The following PTPRG variants were observed in gnomAD, a reference collection of about 807,000 sequenced individuals.
The protein encoded by PTPRG is protein tyrosine phosphatase receptor type G.
In PTPRG, 102 loss-of-function variants were observed where a neutral mutation model predicts 165.3. That is an observed-to-expected ratio of 0.62 (90% CI 0.53 to 0.73). The LOEUF (loss-of-function observed/expected upper bound fraction) is 0.73, where lower values mean the gene tolerates loss of function less well. Ranked by LOEUF, PTPRG falls within the 30% of genes least tolerant of loss-of-function variation. PTPRG has a pLI of 0.00. For missense variants in PTPRG, 1,866 were observed against 1,861.4 expected, an observed-to-expected ratio of 1.00 and a Z score of -0.05; for synonymous variants, 675 against 669.5, an observed-to-expected ratio of 1.01 and a Z score of -0.13.
chr3:61,692,787 A>G (rs1187431279), intron 1 of PTPRG, among the ~76,000 whole-genome samples: 2 of 152,172 alleles, frequency 1.3e-5, no homozygotes, highest in African/African-American at 2.4e-5. Flanking sequence ...GTGGAATGTC[A>G]TCAGTTAAGG....
rs1198380012 is a variant in PTPRG at position 61,672,125 on chromosome 3, G to A, written c.86-76753G>A. Among the ~76,000 whole-genome samples the A allele has an allele frequency of 1.1e-4, 16 of 149,308 alleles. 1 individual carries two copies. In the East Asian group the frequency reaches 1.8e-3, roughly 17 times the overall value. ...GCTCCCCACATCTCAGACGATGGGC[G>A]GCCGGGCAGAGATGCTCCTCACTTC... is the stretch of plus-strand genomic sequence containing the variant. On this transcript the variant is annotated intron_variant, in intron 1 of 29. Transcript: ENST00000474889.
At chr3:62,011,540 A>C (rs910848353) in intron 4 of PTPRG, among the ~76,000 whole-genome samples, 1 of 151,740 alleles carries the variant, frequency 6.6e-6, no homozygotes, top group Non-Finnish European at 1.5e-5. Flanking sequence ...CTTCCATCAA[A>C]TGGGAAAGGA....
At chr3:62,186,186 T>C (rs995597537) in intron 8 of PTPRG, among the ~76,000 whole-genome samples, 3 of 152,120 alleles carry the variant, frequency 2.0e-5, no homozygotes, top group African/African-American at 4.8e-5. Flanking sequence ...CTTTTCTTAT[T>C]AGCAGAAGGC....
intron 1 of PTPRG, among the ~76,000 whole-genome samples, chr3:61,591,614 G>T (rs1700571270): frequency 1.3e-5 from 2 of 152,234 alleles, no homozygotes; most frequent in Admixed American, 1.3e-4. Context: ...TGAAGAAGGA[G>T]TAGGAAGAGG....
At chr3:62,062,900 C>T (rs536280977) in intron 4 of PTPRG, among the ~76,000 whole-genome samples, 10 of 152,192 alleles carry the variant, frequency 6.6e-5, no homozygotes, top group African/African-American at 1.4e-4. Flanking sequence ...GCTATCTGCC[C>T]GTCTCAGCCT....
intron 1 of PTPRG, among the ~76,000 whole-genome samples, chr3:61,633,398 A>G (rs1284566597): frequency 6.6e-6 from 1 of 152,228 alleles, no homozygotes; most frequent in Non-Finnish European, 1.5e-5. Flanking sequence ...AGTCATTGGG[A>G]TGAGTTATAG....
chr3:61,763,438 TCTGCCACTA>T (rs1278727659), intron 2 of PTPRG, among the ~76,000 whole-genome samples: 1 of 152,012 alleles, frequency 6.6e-6, no homozygotes, highest in Non-Finnish European at 1.5e-5. Context: ...GGTTTCACTG[TCTGCCACTA>T]CAGCACCTCC....
rs1165024704 is a variant in PTPRG at position 61,722,211 on chromosome 3, G to T, written c.86-26667G>T. Among the ~76,000 whole-genome samples the T allele has an allele frequency of 2.1e-5, 3 of 142,458 alleles. No homozygotes were observed. In the East Asian group the frequency reaches 7.2e-4, roughly 34 times the overall value. 93.5% of individuals were successfully genotyped at this position (142,458 alleles called of 152,430 possible). On this transcript the variant is annotated intron_variant, in intron 1 of 29. Transcript: ENST00000474889. ...GAAAGGTGGAAGAGCAAAGAGAGAG[G>T]GCAAAACAAATACACACACACACAC...
chr3:61,798,882 T>C (rs568465603), intron 2 of PTPRG, among the ~76,000 whole-genome samples: 1 of 152,204 alleles, frequency 6.6e-6, no homozygotes, highest in Admixed American at 6.5e-5. Flanking sequence ...GTCTTTGGCC[T>C]CCTGTTGATG....
chr3:61,968,514 T>C (rs932202276), intron 2 of PTPRG, among the ~76,000 whole-genome samples: 1 of 152,224 alleles, frequency 6.6e-6, no homozygotes, highest in Non-Finnish European at 1.5e-5. Context: ...AGTTTTAATA[T>C]ATATTGTGAG....
intron 2 of PTPRG, among the ~76,000 whole-genome samples, chr3:61,987,583 G>T (rs2040791191): frequency 6.6e-6 from 1 of 152,070 alleles, no homozygotes; most frequent in African/African-American, 2.4e-5. Context: ...ATTTTTCTCT[G>T]TTGAGTGTAA....
intron 1 of PTPRG, among the ~76,000 whole-genome samples, chr3:61,578,942 C>G (rs149499769): frequency 8.5e-5 from 13 of 152,202 alleles, no homozygotes; most frequent in African/African-American, 2.2e-4. Context: ...AGTTCTTTTA[C>G]GAGGGATAAA....
chr3:61,722,420 T>C (rs1397488911), intron 1 of PTPRG, among the ~76,000 whole-genome samples: 1 of 152,184 alleles, frequency 6.6e-6, no homozygotes, highest in Non-Finnish European at 1.5e-5. Context: ...ATTCAAATTA[T>C]AGCAAAGTTT....
At chr3:61,899,538 T>C (rs1243631664) in intron 2 of PTPRG, among the ~76,000 whole-genome samples, 1 of 152,148 alleles carries the variant, frequency 6.6e-6, no homozygotes, top group African/African-American at 2.4e-5. Context: ...TTTGGTGTCA[T>C]TTCAGTCTTG....
intron 8 of PTPRG, among the ~76,000 whole-genome samples, chr3:62,187,954 C>G (rs562411672): frequency 6.6e-6 from 1 of 152,166 alleles, no homozygotes; most frequent in Non-Finnish European, 1.5e-5. Flanking sequence ...CCTTTGAGAG[C>G]TTAACTCAGT....
intron 1 of PTPRG, among the ~76,000 whole-genome samples, chr3:61,582,469 C>A (rs531057718): frequency 2.0e-5 from 3 of 152,186 alleles, no homozygotes; most frequent in Non-Finnish European, 4.4e-5. Flanking sequence ...GGAATGGGGA[C>A]AGCATGAGAT....
chr3:62,130,442 C>T (rs1474555902), intron 5 of PTPRG, among the ~76,000 whole-genome samples: 1 of 152,136 alleles, frequency 6.6e-6, no homozygotes, highest in African/African-American at 2.4e-5. Context: ...TAGAGGAGGG[C>T]AAAGTCAAGT....
intron 2 of PTPRG, among the ~76,000 whole-genome samples, chr3:61,955,895 T>G (rs2040015968): frequency 6.6e-6 from 1 of 152,108 alleles, no homozygotes; most frequent in South Asian, 2.1e-4. Context: ...CTGTGGAGTG[T>G]CAACAGAAAT....
At chr3:62,137,510 G>A (rs974775355) in intron 6 of PTPRG, among the ~76,000 whole-genome samples, 2 of 152,080 alleles carry the variant, frequency 1.3e-5, no homozygotes, top group African/African-American at 4.8e-5. Flanking sequence ...GAGAAGAATT[G>A]GGCCCTTTCT....
Sources: gnomAD v4.1 joint callset for allele counts (sites outside exome capture counted in the v4.1 genomes callset) on GRCh38, gnomAD v4.1.1 for gene constraint, MANE v1.5 for transcripts, NCBI Gene and HGNC (gene_info 2026-07-23, HGNC 2026-07-21) for gene names.